Variants in SH3RF1 observed in about 807,000 individuals in gnomAD.
SH3RF1 encodes the protein E3 ubiquitin-protein ligase SH3RF1.
In SH3RF1, 32 loss-of-function variants were observed where a neutral mutation model predicts 74.0. That is an observed-to-expected ratio of 0.43 (90% CI 0.33 to 0.58). The LOEUF (loss-of-function observed/expected upper bound fraction) is 0.58, where lower values mean the gene tolerates loss of function less well. Among genes scored for constraint, SH3RF1 ranks in the 20% least tolerant of loss-of-function variants. The pLI, the probability that SH3RF1 is intolerant of heterozygous loss-of-function variation, is 0.05. For synonymous variants in SH3RF1, 396 were observed against 439.6 expected, an observed-to-expected ratio of 0.90 and a Z score of 1.24; for missense variants, 954 against 1,130.9, an observed-to-expected ratio of 0.84 and a Z score of 2.24.
In SH3RF1 at chr4:169,177,855, AATATAT is replaced by A. The variant is rs367726071; in HGVS notation, c.394-21182_394-21177del. Among the ~76,000 whole-genome samples, 15 of 150,774 alleles carry A rather than the reference AATATAT, an allele frequency of 9.9e-5. 1 individual carries two copies. The East Asian group carries it at 1.3e-3, about 14-fold the overall frequency. Reference sequence around the variant, plus strand: ...AAACCTTACATATGTGTATGTATATAATATATATATATATGCTCACGTTATACATAC... The same window carrying A: ...AAACCTTACATATGTGTATGTATATAATATATATGCTCACGTTATACATAC... On this transcript the variant is annotated intron_variant, in intron 2 of 11. Transcript: ENST00000284637.
intron 4 of SH3RF1, among the ~76,000 whole-genome samples, chr4:169,152,967 C>T (rs766407197): frequency 1.6e-4 from 25 of 152,108 alleles, no homozygotes; most frequent in Non-Finnish European, 3.1e-4. Context: ...ACCTTCCCTC[C>T]TAATTCCACA....
chr4:169,242,981 T>C (rs1730937364), intron 2 of SH3RF1, among the ~76,000 whole-genome samples: 1 of 152,222 alleles, frequency 6.6e-6, no homozygotes, highest in South Asian at 2.1e-4. Flanking sequence ...GTGTTTCTAA[T>C]GCAGGTGGTC....
intron 2 of SH3RF1, among the ~76,000 whole-genome samples, chr4:169,240,205 CT>C (rs1284141314): frequency 6.7e-6 from 1 of 149,922 alleles, no homozygotes; most frequent in Non-Finnish European, 1.5e-5. Flanking sequence ...ATTTTTTTTT[CT>C]TTTTTTTTGA....
intron 5 of SH3RF1, among the ~76,000 whole-genome samples, chr4:169,130,735 T>C (rs144878980): frequency 1.0e-3 from 157 of 152,316 alleles, no homozygotes; most frequent in African/African-American, 3.6e-3. Flanking sequence ...TCAAGCCAAA[T>C]TAGTTGTTTT....
intron 2 of SH3RF1, among the ~76,000 whole-genome samples, chr4:169,206,425 T>C (rs1443342075): frequency 6.6e-6 from 1 of 152,188 alleles, no homozygotes; most frequent in Non-Finnish European, 1.5e-5. Flanking sequence ...ATAATTCCAG[T>C]ACTTTGGGAA....
At chr4:169,209,987 G>A (rs963435735) in intron 2 of SH3RF1, among the ~76,000 whole-genome samples, 1 of 152,084 alleles carries the variant, frequency 6.6e-6, no homozygotes, top group Admixed American at 6.5e-5. Context: ...TGTAGAGATG[G>A]GGTTCGCCAT....
At chr4:169,204,643 T>C (rs1328460187) in intron 2 of SH3RF1, among the ~76,000 whole-genome samples, 2 of 150,086 alleles carry the variant, frequency 1.3e-5, no homozygotes, top group Non-Finnish European at 3.0e-5. Context: ...CTCTGCCTCC[T>C]GGGTTTGAGT....
At chr4:169,173,965 G>A (rs1734374733) in intron 2 of SH3RF1, among the ~76,000 whole-genome samples, 1 of 150,830 alleles carries the variant, frequency 6.6e-6, no homozygotes, top group Admixed American at 6.7e-5. Context: ...TAAGGATACG[G>A]CTAATGCTAG....
intron 2 of SH3RF1, among the ~76,000 whole-genome samples, chr4:169,229,580 C>A (rs549817572): frequency 2.6e-5 from 4 of 152,036 alleles, no homozygotes; most frequent in Non-Finnish European, 4.4e-5. Flanking sequence ...AGTCCTCTAA[C>A]TTTGTTTAAC....
intron 2 of SH3RF1, among the ~76,000 whole-genome samples, chr4:169,263,854 T>A (rs768229315): frequency 5.9e-5 from 9 of 152,204 alleles, no homozygotes; most frequent in Non-Finnish European, 1.0e-4. Context: ...GTGCATCTGG[T>A]ATACTGTCAC....
chr4:169,116,742 T>A, intron 9 of SH3RF1, 112 bp from the exon 10 acceptor site: 1 of 1,336,430 alleles, frequency 7.5e-7, no homozygotes, highest in Non-Finnish European at 9.9e-7. Context: ...TGCTATTGTA[T>A]TTATTACAAT....
At chr4:169,203,807 T>A (rs1579135679) in intron 2 of SH3RF1, among the ~76,000 whole-genome samples, 1 of 152,342 alleles carries the variant, frequency 6.6e-6, no homozygotes, top group East Asian at 1.9e-4. Context: ...ATACTAGAGA[T>A]CTGTGATTCT....
chr4:169,199,617 A>C (rs1275370097), intron 2 of SH3RF1, among the ~76,000 whole-genome samples: 2 of 147,304 alleles, frequency 1.4e-5, no homozygotes, highest in Non-Finnish European at 3.0e-5. Context: ...GTGAATGCGC[A>C]AAAAAAAAAA....
chr4:169,154,942 C>A (rs964601393), intron 4 of SH3RF1, among the ~76,000 whole-genome samples: 1 of 152,128 alleles, frequency 6.6e-6, no homozygotes, highest in African/African-American at 2.4e-5. Context: ...TCAAGCTTGG[C>A]CACAAGCTTT....
At chr4:169,189,499 A>G (rs1734662377) in intron 2 of SH3RF1, among the ~76,000 whole-genome samples, 1 of 152,210 alleles carries the variant, frequency 6.6e-6, no homozygotes, top group South Asian at 2.1e-4. Context: ...ATGTGAAAAG[A>G]AAGCAGGTAC....
chr4:169,107,793 C>T (rs530545581), intron 10 of SH3RF1, among the ~76,000 whole-genome samples: 7 of 152,278 alleles, frequency 4.6e-5, no homozygotes, highest in African/African-American at 1.4e-4. Flanking sequence ...TCTCACATGT[C>T]GCCACCTTGA....
intron 10 of SH3RF1, among the ~76,000 whole-genome samples, chr4:169,112,740 A>G (rs1016688629): frequency 1.3e-5 from 2 of 152,242 alleles, no homozygotes; most frequent in African/African-American, 4.8e-5. Flanking sequence ...CTTAAAGATC[A>G]GAATGAGCTT....
intron 2 of SH3RF1, among the ~76,000 whole-genome samples, chr4:169,178,304 AAAAAAATAAGCAACTATGCTTATTT>A (rs1734454845): frequency 2.2e-5 from 1 of 44,534 alleles, no homozygotes; most frequent in African/African-American, 5.4e-5. Context: ...ATGCTTATTT[AAAAAAATAAGCAACTATGCTTATTT>A]AAAAAAATAA....
chr4:169,179,887 T>C (rs1734480030), intron 2 of SH3RF1, among the ~76,000 whole-genome samples: 1 of 152,190 alleles, frequency 6.6e-6, no homozygotes, highest in Non-Finnish European at 1.5e-5. Context: ...TTCCACCCAC[T>C]AAGTCATACC....
Sources: gnomAD v4.1 joint callset for allele counts (sites outside exome capture counted in the v4.1 genomes callset) on GRCh38, gnomAD v4.1.1 for gene constraint, MANE v1.5 for transcripts, NCBI Gene and HGNC (gene_info 2026-07-23, HGNC 2026-07-21) for gene names.